The following DIAPH1 variants were observed in gnomAD, a reference collection of about 807,000 sequenced individuals.
The protein encoded by DIAPH1 is protein diaphanous homolog 1.
Under a neutral mutation model 140.7 loss-of-function variants are expected in DIAPH1, and 46 were observed. The observed-to-expected ratio is 0.33, with a 90% CI of 0.26 to 0.42. The LOEUF (loss-of-function observed/expected upper bound fraction) is 0.42. DIAPH1 is among the 10% of genes least tolerant of loss of function. DIAPH1 has a pLI of 1.00. For missense variants in DIAPH1, 1,310 were observed against 1,558.7 expected (o/e 0.84, Z 2.69); for synonymous variants, 565 against 551.6 (o/e 1.02, Z -0.34).
At chr5:141,583,109 C>G in intron 6 of DIAPH1, 97 bp downstream of exon 6, 2 of 1,103,536 alleles carry the variant, frequency 1.8e-6, no homozygotes, top group Admixed American at 3.4e-5. Flanking sequence ...CCCTAGCCCA[C>G]AACTTTACAT....
chr5:141,610,337 T>C (rs754018942), intron 1 of DIAPH1, among the ~76,000 whole-genome samples: 1 of 151,826 alleles, frequency 6.6e-6, no homozygotes, highest in Non-Finnish European at 1.5e-5. Context: ...AGTCTCACTC[T>C]GTCGCCAGGC....
intron 18 of DIAPH1, among the ~76,000 whole-genome samples, chr5:141,549,869 C>A (rs1013237988): frequency 3.2e-4 from 49 of 152,034 alleles, no homozygotes; most frequent in African/African-American, 1.1e-3. Flanking sequence ...AGATTTAAAC[C>A]TCAATATTTC....
intron 1 of DIAPH1, among the ~76,000 whole-genome samples, chr5:141,615,658 G>A (rs1014858281): frequency 6.6e-6 from 1 of 151,938 alleles, no homozygotes; most frequent in Non-Finnish European, 1.5e-5. Flanking sequence ...CAGAAGAATG[G>A]CATGAACCCG....
At chr5:141,571,377 T>G (rs2099895156) in intron 18 of DIAPH1, 51 bp downstream of exon 18, 2 of 1,471,732 alleles carry the variant, frequency 1.4e-6, no homozygotes, top group South Asian at 1.2e-5. Context: ...TATTTCATCT[T>G]TTTCTCTAAT....
intron 19 of DIAPH1, among the ~76,000 whole-genome samples, chr5:141,531,316 T>TC (rs1491511750): frequency 7.0e-6 from 1 of 142,702 alleles, no homozygotes; most frequent in African/African-American, 2.6e-5. Context: ...TCTCTCTCTC[T>TC]TTTTTTTTTT....
chr5:141,566,464 A>G (rs2099894384), intron 18 of DIAPH1, among the ~76,000 whole-genome samples: 1 of 152,198 alleles, frequency 6.6e-6, no homozygotes, highest in Non-Finnish European at 1.5e-5. Flanking sequence ...ATGTCATAAG[A>G]TTTGAAATTG....
chr5:141,574,284 C>T, intron 15 of DIAPH1, 76 bp from the exon 16 acceptor site: 1 of 1,423,004 alleles, frequency 7.0e-7, no homozygotes, highest in South Asian at 1.2e-5. Context: ...ACCTAATAAA[C>T]TACTTAATCC....
chr5:141,530,716 C>G (rs1049492260), intron 19 of DIAPH1, among the ~76,000 whole-genome samples: 3 of 152,200 alleles, frequency 2.0e-5, no homozygotes, highest in African/African-American at 7.2e-5. Flanking sequence ...ACTTGCTCAG[C>G]TTTCTCTTAT....
intron 1 of DIAPH1, among the ~76,000 whole-genome samples, chr5:141,606,006 C>T (rs1278833829): frequency 6.6e-6 from 1 of 152,210 alleles, no homozygotes; most frequent in Non-Finnish European, 1.5e-5. Context: ...AAGCCTGACA[C>T]ACATCTTTCA....
Position 141,515,692 on chromosome 5 carries a change from G to C in DIAPH1, c.*1159C>G, listed in dbSNP as rs2099885575. 6.6e-6 allele frequency: 1 copy of C among 152,192 alleles called. No individual in the cohort carries two copies. Among genetic ancestry groups the C allele is most frequent in the African/African-American group, 2.4e-5 (1 of 41,444 alleles). The allele number at this position is 152,192 out of a possible 1,614,324, so 9.4% of individuals were successfully genotyped here. On this transcript the variant is annotated 3_prime_UTR_variant, in exon 28 of 28. Coordinates refer to ENST00000389054, the MANE Select transcript of DIAPH1 (RefSeq NM_005219.5). Reference sequence around the variant, plus strand: ...ATTTATAAAAAACTCTGTGGTCTTAGAGTTCCTGCTACTCTTAGGCCTGGC... The same window carrying C: ...ATTTATAAAAAACTCTGTGGTCTTACAGTTCCTGCTACTCTTAGGCCTGGC...
intron 18 of DIAPH1, among the ~76,000 whole-genome samples, chr5:141,549,599 C>G (rs1385691582): frequency 6.6e-6 from 1 of 152,054 alleles, no homozygotes; most frequent in Non-Finnish European, 1.5e-5. Flanking sequence ...CATATGTATA[C>G]AGCATATTTG....
chr5:141,579,349 C>A (rs932203851), intron 8 of DIAPH1, among the ~76,000 whole-genome samples, 153 bp from the exon 9 acceptor site: 3 of 152,140 alleles, frequency 2.0e-5, no homozygotes. Context: ...CACTCAGTTT[C>A]CAGAAACTGC....
chr5:141,608,304 T>A lies in DIAPH1; in HGVS notation c.117+10494A>T, dbSNP rs1562350136. Among the ~76,000 whole-genome samples the A allele has an allele frequency of 2.0e-5, 3 of 152,144 alleles. No individual in the cohort carries two copies. The South Asian group carries it at 6.2e-4, about 32-fold the overall frequency. ...GGGCAACAGAGTAAGACTCTGACTC[T>A]TAAAAAATAAAAAATAAAGGGGTTG... On this transcript the variant is annotated intron_variant, in intron 1 of 27. Transcript: ENST00000389054.
intron 18 of DIAPH1, among the ~76,000 whole-genome samples, chr5:141,537,475 C>T (rs2099889209): frequency 1.1e-5 from 1 of 88,076 alleles, no homozygotes; most frequent in South Asian, 3.6e-4. Context: ...AAGAGCAAAA[C>T]TCCGTCTCAA....
chr5:141,528,998 G>C (rs2099887809), intron 21 of DIAPH1, 57 bp from the exon 22 acceptor site: 1 of 1,612,934 alleles, frequency 6.2e-7, no homozygotes, highest in African/African-American at 1.3e-5. Context: ...GTCAGAAAAA[G>C]ATACACGCTT....
intron 27 of DIAPH1, among the ~76,000 whole-genome samples, chr5:141,523,193 T>G (rs1020055887): frequency 1.3e-5 from 2 of 152,212 alleles, no homozygotes; most frequent in African/African-American, 4.8e-5. Context: ...GCCTACACAA[T>G]GCAACAGCCA....
intron 14 of DIAPH1, 113 bp downstream of exon 14, chr5:141,576,117 G>C (rs1486990008): frequency 1.1e-6 from 1 of 877,026 alleles, no homozygotes; most frequent in African/African-American, 1.7e-5. Context: ...TACACTATTG[G>C]GTGCTAAACG....
chr5:141,603,430 AAGAC>A (rs1312701717), intron 1 of DIAPH1, among the ~76,000 whole-genome samples: 1 of 152,234 alleles, frequency 6.6e-6, no homozygotes, highest in African/African-American at 2.4e-5. Flanking sequence ...AACATAGTAA[AAGAC>A]AGTCCAATAT....
Position 141,516,408 on chromosome 5 carries a change from G to C in DIAPH1, c.*443C>G. On this transcript the variant is annotated 3_prime_UTR_variant, in exon 28 of 28. Transcript: ENST00000389054. ...ATGAAAGGAGGGATCTAGCCCAAAGGTTTACAAGCCCCATGCTATTCTCAG... is the reference window on the plus strand; with the variant it reads ...ATGAAAGGAGGGATCTAGCCCAAAGCTTTACAAGCCCCATGCTATTCTCAG... 4.1e-6 allele frequency: 1 copy of C among 242,858 alleles called. No individual in the cohort carries two copies. The highest frequency in any genetic ancestry group is 8.2e-6 in the Non-Finnish European group (1 of 121,228). 15.0% of individuals were successfully genotyped at this position (242,858 alleles called of 1,614,324 possible).
Sources: gnomAD v4.1 joint callset for allele counts (sites outside exome capture counted in the v4.1 genomes callset) on GRCh38, gnomAD v4.1.1 for gene constraint, MANE v1.5 for transcripts, NCBI Gene and HGNC (gene_info 2026-07-23, HGNC 2026-07-21) for gene names.